INSYN2B: variants seen among roughly 807,000 people sequenced by gnomAD.
INSYN2B encodes inhibitory synaptic factor family member 2B.
INSYN2B carries 16 observed loss-of-function variants against 41.2 expected under a neutral mutation model. The observed-to-expected ratio is 0.39, with a 90% CI of 0.26 to 0.59. The LOEUF (loss-of-function observed/expected upper bound fraction) is 0.59. Among genes scored for constraint, INSYN2B ranks in the 20% least tolerant of loss-of-function variants. INSYN2B has a pLI of 0.57. For missense variants in INSYN2B, 608 were observed against 646.4 expected (o/e 0.94, Z 0.64); for synonymous variants, 245 against 244.4 (o/e 1.00, Z -0.02).
chr5:169,875,065 G>A (rs1772233588), intron 3 of INSYN2B, among the ~76,000 whole-genome samples: 1 of 152,212 alleles, frequency 6.6e-6, no homozygotes, highest in South Asian at 2.1e-4. Context: ...CAAAGATGTA[G>A]TAAGAACTAA....
At chr5:169,874,410 C>CA (rs34525811) in intron 3 of INSYN2B, among the ~76,000 whole-genome samples, 25,633 of 72,084 alleles carry the variant, frequency 0.36, 4,943 homozygotes, top group Middle Eastern at 0.46. Context: ...GACTCTGTCT[C>CA]AAAAAAAAAA....
intron 3 of INSYN2B, among the ~76,000 whole-genome samples, chr5:169,880,899 A>C (rs1227096792): frequency 2.0e-5 from 3 of 152,226 alleles, no homozygotes; most frequent in African/African-American, 7.2e-5. Flanking sequence ...TAAAGTTCTT[A>C]TCATGGTTCT....
chr5:169,867,995 G>T (rs926180403), intron 3 of INSYN2B, among the ~76,000 whole-genome samples: 16 of 152,168 alleles, frequency 1.1e-4, no homozygotes, highest in African/African-American at 3.6e-4. Flanking sequence ...AATGCTCCTA[G>T]CTCCTGAAAT....
At chr5:169,931,743 G>A (rs1405214673) in intron 1 of INSYN2B, among the ~76,000 whole-genome samples, 2 of 152,128 alleles carry the variant, frequency 1.3e-5, no homozygotes, top group Non-Finnish European at 2.9e-5. Context: ...AAGGTGGCTG[G>A]CACTGTGCTT....
chr5:169,976,737 T>C (rs1019032812), intron 1 of INSYN2B, among the ~76,000 whole-genome samples: 3 of 152,242 alleles, frequency 2.0e-5, no homozygotes, highest in African/African-American at 7.2e-5. Flanking sequence ...CCTGCGCTTC[T>C]GGCCCCTTGT....
chr5:169,977,931 A>G (rs1247843389), intron 1 of INSYN2B, among the ~76,000 whole-genome samples: 1 of 152,122 alleles, frequency 6.6e-6, no homozygotes, highest in Non-Finnish European at 1.5e-5. Context: ...CTGTTACATA[A>G]CCAGATGGCA....
At chr5:169,938,225 CT>C (rs573891252) in intron 1 of INSYN2B, among the ~76,000 whole-genome samples, 907 of 142,892 alleles carry the variant, frequency 6.3e-3, no homozygotes, top group Non-Finnish European at 6.1e-3. Context: ...TTTCTTTCTT[CT>C]TTTTTTTTTT....
At chr5:169,915,472 T>A (rs142514979) in intron 1 of INSYN2B, among the ~76,000 whole-genome samples, 385 of 152,102 alleles carry the variant, frequency 2.5e-3, no homozygotes, top group Middle Eastern at 0.024. Flanking sequence ...GTAACTAATA[T>A]ATTGAATCTC....
chr5:169,936,443 A>G (rs1172761302), intron 1 of INSYN2B, among the ~76,000 whole-genome samples: 1 of 152,206 alleles, frequency 6.6e-6, no homozygotes, highest in Admixed American at 6.5e-5. Context: ...TATCACAGCT[A>G]GTCAATAGCA....
At chr5:169,868,716 C>T (rs1771752252) in intron 3 of INSYN2B, among the ~76,000 whole-genome samples, 1 of 152,158 alleles carries the variant, frequency 6.6e-6, no homozygotes, top group Non-Finnish European at 1.5e-5. Context: ...TATGAGTGCA[C>T]CACTGCACTC....
At chr5:169,925,670 C>T (rs946105681) in intron 1 of INSYN2B, among the ~76,000 whole-genome samples, 1 of 147,540 alleles carries the variant, frequency 6.8e-6, no homozygotes, top group Non-Finnish European at 1.5e-5. Flanking sequence ...TGTGGGACTT[C>T]TGTAGTTCAG....
At chr5:169,920,675 G>C (rs902962712) in intron 1 of INSYN2B, among the ~76,000 whole-genome samples, 2 of 152,226 alleles carry the variant, frequency 1.3e-5, no homozygotes, top group Non-Finnish European at 2.9e-5. Context: ...GTGATGGACA[G>C]TGTAGCCATA....
chr5:169,925,578 TTAAAAAAAA>T (rs889668027), intron 1 of INSYN2B, among the ~76,000 whole-genome samples: 1 of 32,324 alleles, frequency 3.1e-5, no homozygotes, highest in Non-Finnish European at 6.0e-5. Context: ...AGACTCTGTC[TTAAAAAAAA>T]AAAAAAAAAA....
intron 1 of INSYN2B, among the ~76,000 whole-genome samples, chr5:169,885,707 G>A (rs995648142): frequency 1.2e-4 from 19 of 152,200 alleles, no homozygotes; most frequent in African/African-American, 3.9e-4. Flanking sequence ...TGTTCTAAGC[G>A]CTTTCCAAGC....
At chr5:169,877,230 A>G (rs953938057) in intron 3 of INSYN2B, among the ~76,000 whole-genome samples, 2 of 152,242 alleles carry the variant, frequency 1.3e-5, no homozygotes, top group African/African-American at 2.4e-5. Flanking sequence ...GGAGCCACAG[A>G]CTACCTGAAT....
At chr5:169,936,093 G>C (rs1319296649) in intron 1 of INSYN2B, among the ~76,000 whole-genome samples, 1 of 152,096 alleles carries the variant, frequency 6.6e-6, no homozygotes, top group Non-Finnish European at 1.5e-5. Flanking sequence ...AAACAAAATC[G>C]TTCCCCACTT....
At chr5:169,874,040 G>T (rs1561784556) in intron 3 of INSYN2B, among the ~76,000 whole-genome samples, 1 of 151,556 alleles carries the variant, frequency 6.6e-6, no homozygotes, top group Non-Finnish European at 1.5e-5. Flanking sequence ...CTCTTGCAGA[G>T]AATCTCCTTT....
chr5:169,914,111 C>G (rs1049688485), intron 1 of INSYN2B, among the ~76,000 whole-genome samples: 1 of 152,164 alleles, frequency 6.6e-6, no homozygotes, highest in African/African-American at 2.4e-5. Flanking sequence ...CTCAGAACGC[C>G]TTTTGTATAG....
chr5:169,907,446 C>T (rs896661882), intron 1 of INSYN2B, among the ~76,000 whole-genome samples: 2 of 152,184 alleles, frequency 1.3e-5, no homozygotes, highest in Non-Finnish European at 1.5e-5. Context: ...TGCAGAGAAG[C>T]AGCTAAAATC....
Sources: gnomAD v4.1 joint callset for allele counts (sites outside exome capture counted in the v4.1 genomes callset) on GRCh38, gnomAD v4.1.1 for gene constraint, MANE v1.5 for transcripts, NCBI Gene and HGNC (gene_info 2026-07-23, HGNC 2026-07-21) for gene names.